Variants in SDK2 observed in about 807,000 individuals in gnomAD.
SDK2 encodes protein sidekick-2.
SDK2 carries 105 observed loss-of-function variants against 253.9 expected under a neutral mutation model. That is an observed-to-expected ratio of 0.41 (90% CI 0.35 to 0.49). The LOEUF (loss-of-function observed/expected upper bound fraction) is 0.49. SDK2 is among the 20% of genes least tolerant of loss of function. The pLI is 0.06. For missense variants in SDK2, 2,608 were observed against 3,003.0 expected (o/e 0.87, Z 3.07); for synonymous variants, 1,249 against 1,234.9 (o/e 1.01, Z -0.24).
chr17:73,375,546 C>T (rs1391241082), intron 36 of SDK2, among the ~76,000 whole-genome samples: 2 of 152,076 alleles, frequency 1.3e-5, no homozygotes, highest in East Asian at 1.9e-4. Flanking sequence ...TGAGCCCAGC[C>T]CTTAACAACC....
chr17:73,365,520 G>C, intron 37 of SDK2, 125 bp from the exon 38 acceptor site: 1 of 953,550 alleles, frequency 1.0e-6, no homozygotes, highest in Non-Finnish European at 1.5e-6. Flanking sequence ...CGTGGGGCTC[G>C]GCAGAAAGGG....
chr17:73,591,121 T>G (rs542290101), intron 1 of SDK2, among the ~76,000 whole-genome samples: 1 of 152,216 alleles, frequency 6.6e-6, no homozygotes, highest in Non-Finnish European at 1.5e-5. Flanking sequence ...GGTTTCGCCA[T>G]GTTGGCCAGG....
chr17:73,580,918 G>GA (rs2045525981), intron 1 of SDK2, among the ~76,000 whole-genome samples: 1 of 152,178 alleles, frequency 6.6e-6, no homozygotes, highest in South Asian at 2.1e-4. Flanking sequence ...TTTGAGTCAG[G>GA]GTCTTGCTCT....
chr17:73,410,740 C>A, intron 18 of SDK2, among the ~76,000 whole-genome samples: 1 of 152,206 alleles, frequency 6.6e-6, no homozygotes, highest in East Asian at 1.9e-4. Flanking sequence ...TACTCCTCCA[C>A]CAGTTTCTGT....
chr17:73,570,481 A>G lies in SDK2; in HGVS notation c.65-62884T>C, dbSNP rs866124741. On this transcript the variant is annotated intron_variant, in intron 1 of 44. Transcript: ENST00000392650. The surrounding 1 kb of genome is among the most constrained non-coding windows in gnomAD (Gnocchi z 4.2). ...CATTTGCCACTAGATTAGCCCAAAAATCAAAAAGAGGGGGACCCACCCAGC... is the reference window on the plus strand; with the variant it reads ...CATTTGCCACTAGATTAGCCCAAAAGTCAAAAAGAGGGGGACCCACCCAGC... Among the ~76,000 whole-genome samples, 9 of 152,190 alleles carry G rather than the reference A, an allele frequency of 5.9e-5. No homozygotes were observed. Among genetic ancestry groups the G allele is most frequent in the African/African-American group, 1.9e-4 (8 of 41,542 alleles).
At chr17:73,560,313 G>A (rs958610421) in intron 1 of SDK2, among the ~76,000 whole-genome samples, 2 of 152,124 alleles carry the variant, frequency 1.3e-5, no homozygotes, top group African/African-American at 2.4e-5. Flanking sequence ...CTCTGCACCC[G>A]ACCGTGCCTC....
intron 32 of SDK2, among the ~76,000 whole-genome samples, chr17:73,384,944 C>A (rs1180480915): frequency 6.6e-6 from 1 of 152,242 alleles, no homozygotes; most frequent in South Asian, 2.1e-4. Context: ...CCACGTTGCT[C>A]CAGCCTCGTC....
chr17:73,352,561 C>G lies in SDK2; in HGVS notation c.5670G>C (p.Leu1890=), dbSNP rs562752695. The change falls in exon 41 of 45, where the codon CTG becomes CTC. Residue 1890 remains leucine, a synonymous_variant. Transcript: ENST00000392650. This position sits in a 1 kb window ranked among gnomAD's most constrained non-coding sequence, Gnocchi z 4.1. ...GGAAGTCATAGCTCACGCCCGGCTT[C>G]AGGATGTCCATGCTGAACGTGTAGG... ...VSSYTFSMDI[L]KPGVSYDFRV... The G allele has an allele frequency of 1.4e-5, 23 of 1,614,046 alleles. No homozygotes were observed. In the African/African-American group the frequency reaches 2.1e-4, roughly 15 times the overall value.
intron 3 of SDK2, among the ~76,000 whole-genome samples, chr17:73,461,380 G>A (rs569139332): frequency 1.8e-4 from 28 of 152,378 alleles, no homozygotes; most frequent in African/African-American, 6.5e-4. Context: ...CAAACGTTTG[G>A]TGATGTCTAT....
intron 5 of SDK2, among the ~76,000 whole-genome samples, chr17:73,446,522 G>C (rs929700171): frequency 2.6e-5 from 4 of 152,208 alleles, no homozygotes; most frequent in Non-Finnish European, 5.9e-5. Context: ...AAGTGTGAAA[G>C]GCCCTGGAAT....
At chr17:73,458,860 C>T (rs891605331) in intron 3 of SDK2, among the ~76,000 whole-genome samples, 4 of 152,078 alleles carry the variant, frequency 2.6e-5, no homozygotes, top group Non-Finnish European at 5.9e-5. Context: ...AAAAATTAGC[C>T]GAGCATGGTG....
chr17:73,421,498 TCTC>T (rs2145584101), intron 15 of SDK2, among the ~76,000 whole-genome samples: 1 of 152,158 alleles, frequency 6.6e-6, no homozygotes, highest in South Asian at 2.1e-4. Context: ...AGGATAGAAT[TCTC>T]CTTCTACATA....
intron 3 of SDK2, among the ~76,000 whole-genome samples, chr17:73,470,315 T>C (rs2063639952): frequency 1.3e-5 from 2 of 152,050 alleles, no homozygotes; most frequent in African/African-American, 4.8e-5. Context: ...ACAAATATCC[T>C]TGTGCACACA....
chr17:73,403,077 G>T (rs1040798415), intron 18 of SDK2, among the ~76,000 whole-genome samples: 1 of 152,202 alleles, frequency 6.6e-6, no homozygotes, highest in Non-Finnish European at 1.5e-5. Flanking sequence ...GGGATTACAG[G>T]CATGAGCCGC....
intron 1 of SDK2, among the ~76,000 whole-genome samples, chr17:73,537,611 G>T (rs2044799259): frequency 6.6e-6 from 1 of 152,064 alleles, no homozygotes; most frequent in Non-Finnish European, 1.5e-5. Context: ...GGGATGAAGA[G>T]GTTGCCAAAG....
chr17:73,391,525 G>T lies in SDK2; in HGVS notation c.3912C>A (p.Pro1304=). Residue 1304 remains proline (P), a synonymous_variant, in exon 28 of 45, where the codon CCC becomes CCA. Coordinates refer to ENST00000392650, the MANE Select transcript of SDK2 (RefSeq NM_001144952.2). ...ERTLDDVPGP[P]MGILFPEVRT... Reference sequence around the variant, plus strand: ...GCACCTCTGGGAACAGGATGCCCATGGGTGGTCCTGGGACTGGAGGGGGCA... The same window carrying T: ...GCACCTCTGGGAACAGGATGCCCATTGGTGGTCCTGGGACTGGAGGGGGCA... 1 of 1,299,186 alleles carries T rather than the reference G, an allele frequency of 7.7e-7. No individual in the cohort carries two copies. 80.5% of individuals were successfully genotyped at this position (1,299,186 alleles called of 1,614,324 possible).
intron 1 of SDK2, among the ~76,000 whole-genome samples, chr17:73,599,977 G>A (rs955365643): frequency 1.2e-4 from 18 of 152,220 alleles, no homozygotes; most frequent in Non-Finnish European, 1.8e-4. Context: ...TGATTAATAC[G>A]CTAGACGTCC....
At position 73,402,047 on chromosome 17, in the gene SDK2, C is replaced by T. The variant is rs536286755; in HGVS notation, c.2579G>A (p.Gly860Asp). The T allele has an allele frequency of 2.1e-5, 34 of 1,614,016 alleles. No individual in the cohort carries two copies. The East Asian group carries it at 6.0e-4, about 29-fold the overall frequency. Residue 860 changes from glycine (G) to aspartate (D), a missense_variant, in exon 19 of 45, where the codon GGC becomes GAC. Gly to Asp is a moderately conservative substitution (Grantham distance 94). Transcript: ENST00000392650. ...QDSIHVGFVS[G>D]LKKFTEYFTS... ...GAAGTACTCGGTGAACTTCTTCAGG[C>T]CAGACACGAAGCCCACGTGGATGCT... is the stretch of plus-strand genomic sequence containing the variant.
chr17:73,456,005 C>A lies in SDK2; in HGVS notation c.380G>T (p.Gly127Val). ...CGGGGCACGGATGACAGCTGCTTCT[C>A]CGTGGGAGACGCTCTGGTGCTTCTC... ...EGEKHQSVSH[G>V]EAAVIRAPRI... Residue 127 changes from glycine (G) to valine (V), a missense_variant, in exon 4 of 45, where the codon GGA becomes GTA. Transcript: ENST00000392650. The A allele has an allele frequency of 6.5e-7, 1 of 1,544,650 alleles. No individual in the cohort carries two copies. Among genetic ancestry groups the A allele is most frequent in the Non-Finnish European group, 8.7e-7 (1 of 1,143,332 alleles).
Sources: gnomAD v4.1 joint callset for allele counts (sites outside exome capture counted in the v4.1 genomes callset) on GRCh38, gnomAD v4.1.1 for gene constraint, Gnocchi (gnomAD v3.1) non-coding constraint, MANE v1.5 for transcripts, NCBI Gene and HGNC (gene_info 2026-07-23, HGNC 2026-07-21) for gene names.